PARD3: variants seen among roughly 807,000 people sequenced by gnomAD.
PARD3 encodes partitioning defective 3 homolog.
A neutral mutation model predicts 155.4 loss-of-function variants in PARD3; 75 were observed. The observed-to-expected ratio is 0.48, with a 90% confidence interval of 0.40 to 0.58. The LOEUF (loss-of-function observed/expected upper bound fraction) is 0.58, where lower values mean the gene tolerates loss of function less well. Ranked by LOEUF, PARD3 falls within the 20% of genes least tolerant of loss-of-function variation. The probability of loss-of-function intolerance (pLI) is 0.00; values close to 1 mark genes in which losing one functional copy is unlikely to be tolerated. For synonymous variants in PARD3, 576 were observed against 610.5 expected, an observed-to-expected ratio of 0.94 and a Z score of 0.83; for missense variants, 1,642 against 1,721.7, an observed-to-expected ratio of 0.95 and a Z score of 0.82.
At chr10:34,457,480 TGACTGAAA>T (rs1429226648) in intron 4 of PARD3, among the ~76,000 whole-genome samples, 1 of 152,226 alleles carries the variant, frequency 6.6e-6, no homozygotes. Flanking sequence ...AACCTCTTAC[TGACTGAAA>T]GAAGAAACAG....
intron 22 of PARD3, among the ~76,000 whole-genome samples, chr10:34,140,146 C>T (rs1948108277): frequency 6.6e-6 from 1 of 151,822 alleles, no homozygotes; most frequent in Non-Finnish European, 1.5e-5. Context: ...TTTCTCCTGG[C>T]TCTCAAATCA....
chr10:34,118,721 C>T (rs1946820307), intron 24 of PARD3, among the ~76,000 whole-genome samples: 1 of 152,146 alleles, frequency 6.6e-6, no homozygotes, highest in Non-Finnish European at 1.5e-5. Context: ...TCTCCTAACT[C>T]CCTAAAACTG....
intron 1 of PARD3, among the ~76,000 whole-genome samples, chr10:34,698,839 T>C (rs1204917886): frequency 2.6e-5 from 4 of 152,250 alleles, no homozygotes; most frequent in African/African-American, 9.6e-5. Context: ...CTACTTTACC[T>C]TCCGGTTATT....
intron 2 of PARD3, among the ~76,000 whole-genome samples, chr10:34,665,769 C>T (rs1336273636): frequency 5.4e-5 from 8 of 149,322 alleles, no homozygotes; most frequent in African/African-American, 1.0e-4. Context: ...ACCCAGGAGG[C>T]GGAGGTTGCA....
intron 5 of PARD3, among the ~76,000 whole-genome samples, chr10:34,421,600 C>G (rs552250187): frequency 6.6e-6 from 1 of 152,068 alleles, no homozygotes; most frequent in Non-Finnish European, 1.5e-5. Flanking sequence ...TAGCTGCAAG[C>G]TCATTAAACA....
chr10:34,684,424 G>A (rs999881484), intron 2 of PARD3, among the ~76,000 whole-genome samples: 9 of 152,150 alleles, frequency 5.9e-5, no homozygotes, highest in African/African-American at 1.4e-4. Context: ...TCCAGCTGCC[G>A]AACTAACAGC....
chr10:34,328,953 C>T (rs56132908), intron 19 of PARD3, among the ~76,000 whole-genome samples: 9,368 of 152,186 alleles, frequency 0.062, 944 homozygotes, highest in African/African-American at 0.21. Flanking sequence ...GTAGGTGCAG[C>T]GTGTTTTAGG....
intron 1 of PARD3, among the ~76,000 whole-genome samples, chr10:34,709,988 C>A (rs2094427493): frequency 6.6e-6 from 1 of 151,680 alleles, no homozygotes; most frequent in South Asian, 2.1e-4. Context: ...ATTTTGCACA[C>A]ATTTTTGGAG....
chr10:34,323,493 A>G (rs1958499678), intron 19 of PARD3, among the ~76,000 whole-genome samples: 1 of 152,224 alleles, frequency 6.6e-6, no homozygotes, highest in Non-Finnish European at 1.5e-5. Context: ...GTGGTATTGT[A>G]GAGTGGTTTC....
chr10:34,215,097 A>T (rs1951940624), intron 22 of PARD3, among the ~76,000 whole-genome samples: 1 of 152,180 alleles, frequency 6.6e-6, no homozygotes, highest in Non-Finnish European at 1.5e-5. Flanking sequence ...AAAACCTGAA[A>T]CTTTGCCAAT....
intron 14 of PARD3, among the ~76,000 whole-genome samples, chr10:34,354,185 G>A (rs1342487404): frequency 1.3e-5 from 2 of 151,010 alleles, no homozygotes; most frequent in East Asian, 3.9e-4. Context: ...TGCAGTCCCT[G>A]GCTAACACGG....
chr10:34,240,324 T>G (rs964266039), intron 22 of PARD3, among the ~76,000 whole-genome samples: 3 of 152,158 alleles, frequency 2.0e-5, no homozygotes, highest in African/African-American at 7.2e-5. Context: ...TAAGTACAGA[T>G]GTGCAAATAA....
intron 2 of PARD3, among the ~76,000 whole-genome samples, chr10:34,523,313 T>G (rs149731508): frequency 1.5e-3 from 224 of 152,354 alleles, no homozygotes; most frequent in South Asian, 3.7e-3. Context: ...ATCTCTCACT[T>G]TCCATTGCTT....
At chr10:34,556,881 C>A (rs1481648433) in intron 2 of PARD3, among the ~76,000 whole-genome samples, 1 of 152,166 alleles carries the variant, frequency 6.6e-6, no homozygotes, top group East Asian at 1.9e-4. Context: ...CTCCTGTTCA[C>A]AGATTTTGTA....
intron 1 of PARD3, among the ~76,000 whole-genome samples, chr10:34,698,675 G>A (rs2133506516): frequency 6.6e-6 from 1 of 152,284 alleles, no homozygotes; most frequent in East Asian, 1.9e-4. Context: ...CCAAAGTGCT[G>A]GGATGATAGG....
At chr10:34,776,945 TC>T (rs1180659482) in intron 1 of PARD3, among the ~76,000 whole-genome samples, 1 of 148,884 alleles carries the variant, frequency 6.7e-6, no homozygotes, top group East Asian at 2.0e-4. Context: ...CAAGCGATTC[TC>T]CTGCCTCAGC....
rs375801949 is a variant in PARD3 at position 34,121,372 on chromosome 10, G to A, written c.3541-1632C>T. Among the ~76,000 whole-genome samples, 13 of 152,272 alleles carry A rather than the reference G, an allele frequency of 8.5e-5. 1 individual carries two copies. The highest frequency in any genetic ancestry group is 3.1e-4 in the African/African-American group (13 of 41,554). Reference sequence around the variant, plus strand: ...CCTTAAGTGATCCTTTTCAGTACTCGCCACCCTCAGTTCCCCCTCTGTTAT... The same window carrying A: ...CCTTAAGTGATCCTTTTCAGTACTCACCACCCTCAGTTCCCCCTCTGTTAT... On this transcript the variant is annotated intron_variant, in intron 23 of 24. Coordinates refer to ENST00000374788, the MANE Select transcript of PARD3 (RefSeq NM_001184785.2).
At chr10:34,542,367 T>C (rs950065659) in intron 2 of PARD3, among the ~76,000 whole-genome samples, 2 of 152,124 alleles carry the variant, frequency 1.3e-5, no homozygotes, top group African/African-American at 4.8e-5. Flanking sequence ...TGAGACATAT[T>C]TGGTTGTCAT....
intron 2 of PARD3, among the ~76,000 whole-genome samples, chr10:34,673,570 T>C (rs1462274084): frequency 6.6e-6 from 1 of 152,192 alleles, no homozygotes; most frequent in Non-Finnish European, 1.5e-5. Flanking sequence ...GTCACAAACT[T>C]ATCAAGAACA....
Sources: allele counts gnomAD v4.1 joint callset (sites outside exome capture counted in the v4.1 genomes callset), GRCh38; gene constraint gnomAD v4.1.1; transcripts MANE v1.5; gene names NCBI Gene and HGNC (gene_info 2026-07-23, HGNC 2026-07-21).